Variants in DNAH11 observed in about 807,000 individuals in gnomAD.
DNAH11 encodes the protein dynein axonemal heavy chain 11, also known as axonemal beta dynein heavy chain 11.
A neutral mutation model predicts 526.0 loss-of-function variants in DNAH11; 442 were observed. That is an observed-to-expected ratio of 0.84 (90% CI 0.78 to 0.91). The LOEUF (loss-of-function observed/expected upper bound fraction) is 0.91. Ranked by LOEUF, DNAH11 falls within the 40% of genes least tolerant of loss-of-function variation. The probability of loss-of-function intolerance (pLI) is 0.00; values close to 1 mark genes in which losing one functional copy is unlikely to be tolerated. For missense variants in DNAH11, 6,989 were observed against 5,448.7 expected (o/e 1.28, Z -8.90); for synonymous variants, 2,461 against 1,935.9 (o/e 1.27, Z -7.12).
chr7:21,575,448 C>T (rs1306834755), intron 8 of DNAH11, among the ~76,000 whole-genome samples: 3 of 152,132 alleles, frequency 2.0e-5, no homozygotes, highest in South Asian at 2.1e-4. Flanking sequence ...ATTCCTAGAA[C>T]GAGTCTATTG....
intron 76 of DNAH11, among the ~76,000 whole-genome samples, chr7:21,888,620 G>T (rs947028593): frequency 2.0e-5 from 3 of 152,028 alleles, no homozygotes; most frequent in African/African-American, 7.2e-5. Flanking sequence ...CTCCTGAGTA[G>T]CTGGGATTAC....
chr7:21,789,808 TTTTCTTTC>T (rs1554281335), intron 61 of DNAH11, among the ~76,000 whole-genome samples: 33 of 34,126 alleles, frequency 9.7e-4, no homozygotes, highest in South Asian at 2.2e-3. Flanking sequence ...TTTCTTTCTT[TTTTCTTTC>T]TTTCTTTCTT....
chr7:21,808,441 C>G (rs1426035511), intron 63 of DNAH11, among the ~76,000 whole-genome samples: 2 of 152,100 alleles, frequency 1.3e-5, no homozygotes, highest in Admixed American at 6.6e-5. Flanking sequence ...AAATTATTAA[C>G]TACAGTTTCC....
intron 30 of DNAH11, among the ~76,000 whole-genome samples, chr7:21,678,970 A>G (rs1297015719): frequency 6.6e-6 from 1 of 152,204 alleles, no homozygotes; most frequent in Non-Finnish European, 1.5e-5. Context: ...CAAGATGTAG[A>G]AAAAACCCAA....
At position 21,852,524 on chromosome 7, in the gene DNAH11, G is replaced by A. The variant is rs1409530873; in HGVS notation, c.10954G>A (p.Asp3652Asn). ...AATTGAGCTCAAGTATCTGGAAGAC[G>A]ATCTCCTTTTGCGCCTTTCTGCGGC... is the stretch of plus-strand genomic sequence containing the variant. ...FKIELKYLED[D>N]LLLRLSAAEG... Residue 3652 changes from aspartate (D) to asparagine (N), a missense_variant, in exon 67 of 82, where the codon GAT (aspartate) becomes AAT (asparagine). Coordinates refer to ENST00000409508, the MANE Select transcript of DNAH11 (RefSeq NM_001277115.2). 9 of 1,613,440 alleles carry A rather than the reference G, an allele frequency of 5.6e-6. No individual in the cohort carries two copies. Among genetic ancestry groups the A allele is most frequent in the East Asian group, 2.2e-5 (1 of 44,876 alleles).
Position 21,864,618 on chromosome 7 carries a change from C to T in DNAH11, c.11457C>T (p.Pro3819=), listed in dbSNP as rs201185369. 4.4e-5 allele frequency: 70 copies of T among 1,607,884 alleles called. No individual in the cohort carries two copies. Among genetic ancestry groups the T allele is most frequent in the Non-Finnish European group, 5.5e-5 (65 of 1,176,978 alleles). ...RFTVEHTHLS[P]VDFLTSQSWS... is the part of the protein sequence containing the mutation. ...CAGTTGAACACACTCATCTGAGTCC[C>T]GTTGACTTCCTAACTTCTCAGTCAT... Residue 3819 remains proline (P), a synonymous_variant, in exon 70 of 82, where the codon CCC becomes CCT. Coordinates refer to ENST00000409508, the MANE Select transcript of DNAH11 (RefSeq NM_001277115.2).
intron 9 of DNAH11, among the ~76,000 whole-genome samples, chr7:21,587,077 A>G (rs1784499402): frequency 6.6e-6 from 1 of 152,240 alleles, no homozygotes; most frequent in Non-Finnish European, 1.5e-5. Flanking sequence ...CTATAGAAAC[A>G]TTGGTTATAT....
intron 44 of DNAH11, among the ~76,000 whole-genome samples, chr7:21,724,749 G>C (rs1347685310): frequency 6.6e-6 from 1 of 151,124 alleles, no homozygotes. Flanking sequence ...AAGAGTCACT[G>C]GGCCAGGTCA....
At chr7:21,807,792 G>A (rs556546204) in intron 62 of DNAH11, 91 bp from the exon 63 acceptor site, 26 of 1,297,258 alleles carry the variant, frequency 2.0e-5, no homozygotes, top group East Asian at 5.0e-5. Flanking sequence ...GTGGAAGGAC[G>A]TAAACCTTGC....
chr7:21,765,659 C>T (rs1787150960), intron 55 of DNAH11, 70 bp downstream of exon 55: 1 of 1,368,062 alleles, frequency 7.3e-7, no homozygotes, highest in African/African-American at 1.5e-5. Flanking sequence ...CACACACACA[C>T]TCTGAAAATC....
Position 21,748,586 on chromosome 7 carries a change from C to T in DNAH11, c.8517C>T (p.Arg2839=). 1 of 1,532,864 alleles carries T rather than the reference C, an allele frequency of 6.5e-7. No homozygotes were observed. Among genetic ancestry groups the T allele is most frequent in the Non-Finnish European group, 8.8e-7 (1 of 1,135,924 alleles). The allele number at this position is 1,532,864 out of a possible 1,614,324, so 95.0% of individuals were successfully genotyped here. A position where few individuals can be genotyped will look rare whatever the true frequency, so the allele number is the denominator to read the frequency against. ...GGGCGCTTCCTTTCCTCAGGTGTCGCATCAGCCGGATCTTACGAACCCCTC... is the reference window on the plus strand; with the variant it reads ...GGGCGCTTCCTTTCCTCAGGTGTCGTATCAGCCGGATCTTACGAACCCCTC... The part of the protein sequence containing the change: ...LFEDAMQHVC[R]ISRILRTPQG... Residue 2839 remains arginine (R), a synonymous_variant, in exon 52 of 82, where the codon CGC becomes CGT. Coordinates refer to ENST00000409508, the MANE Select transcript of DNAH11 (RefSeq NM_001277115.2).
At chr7:21,839,945 T>A (rs1782142562) in intron 65 of DNAH11, among the ~76,000 whole-genome samples, 1 of 152,154 alleles carries the variant, frequency 6.6e-6, no homozygotes, top group East Asian at 1.9e-4. Context: ...AACAAAAGCT[T>A]TAGTAATGTA....
chr7:21,766,542 C>T (rs1268282365), intron 55 of DNAH11, among the ~76,000 whole-genome samples: 1 of 152,142 alleles, frequency 6.6e-6, no homozygotes, highest in Admixed American at 6.5e-5. Flanking sequence ...GTAGCCCCAC[C>T]GTTACCCAAA....
rs1024191960 is a variant in DNAH11 at position 21,590,900 on chromosome 7, A to G, written c.2170-18A>G. 6 of 1,306,398 alleles carry G rather than the reference A, an allele frequency of 4.6e-6. No individual in the cohort carries two copies. Among genetic ancestry groups the G allele is most frequent in the Non-Finnish European group, 5.0e-6 (5 of 999,518 alleles). The allele number at this position is 1,306,398 out of a possible 1,614,324, so 80.9% of individuals were successfully genotyped here. Reference sequence around the variant, plus strand: ...ATTATGAAAATATGCAATAATTTTAATAATTGTATTTTAATAGCTAGTGGC... The same window carrying G: ...ATTATGAAAATATGCAATAATTTTAGTAATTGTATTTTAATAGCTAGTGGC... On this transcript the variant is annotated intron_variant, in intron 12 of 81. Transcript: ENST00000409508.
chr7:21,888,354 G>A (rs925359489), intron 76 of DNAH11, among the ~76,000 whole-genome samples: 4 of 152,084 alleles, frequency 2.6e-5, no homozygotes. Context: ...GTGGGGGTCG[G>A]TTTTTGTTAA....
intron 70 of DNAH11, among the ~76,000 whole-genome samples, chr7:21,866,230 T>G (rs367630528): frequency 2.4e-4 from 36 of 151,270 alleles, no homozygotes; most frequent in African/African-American, 8.5e-4. Flanking sequence ...TCCAGGCTCC[T>G]GCCATTGCTT....
Position 21,750,308 on chromosome 7 carries a change from G to A in DNAH11, c.8884G>A (p.Asp2962Asn). ...HNEVHALGMV[D>N]SRENCWKFFM... ...TGAAGTTCATGCTCTGGGCATGGTA[G>A]ACTCCAGGGAAAACTGTTGGAAATT... The change falls in exon 54 of 82, where the codon GAC becomes AAC. Residue 2962 changes from aspartate (D) to asparagine (N), a missense_variant. Asp to Asn is a conservative substitution (Grantham distance 23). Coordinates refer to ENST00000409508, the MANE Select transcript of DNAH11 (RefSeq NM_001277115.2). 3 of 1,605,830 alleles carry A rather than the reference G, an allele frequency of 1.9e-6. No homozygotes were observed. Among genetic ancestry groups the A allele is most frequent in the South Asian group, 1.1e-5 (1 of 88,936 alleles).
At chr7:21,726,223 G>T (rs1298848098) in intron 45 of DNAH11, among the ~76,000 whole-genome samples, 1 of 151,982 alleles carries the variant, frequency 6.6e-6, no homozygotes, top group East Asian at 1.9e-4. Context: ...GAGGGGGGAG[G>T]TGCTGCACAC....
At chr7:21,681,923 A>T (rs894410534) in intron 31 of DNAH11, among the ~76,000 whole-genome samples, 4 of 152,186 alleles carry the variant, frequency 2.6e-5, no homozygotes, top group Non-Finnish European at 4.4e-5. Flanking sequence ...ATCAAAAAAA[A>T]TTTTATCACA....
Sources: gnomAD v4.1 joint callset for allele counts (sites outside exome capture counted in the v4.1 genomes callset) on GRCh38, gnomAD v4.1.1 for gene constraint, MANE v1.5 for transcripts, NCBI Gene and HGNC (gene_info 2026-07-23, HGNC 2026-07-21) for gene names.